The following CSMD1 variants were observed in gnomAD, a reference collection of about 807,000 sequenced individuals.
The protein encoded by CSMD1 is CUB and Sushi multiple domains 1.
Under a neutral mutation model 417.5 loss-of-function variants are expected in CSMD1, and 213 were observed. That is an observed-to-expected ratio of 0.51 (90% CI 0.46 to 0.57). The LOEUF (loss-of-function observed/expected upper bound fraction) is 0.57, where lower values mean the gene tolerates loss of function less well. Ranked by LOEUF, CSMD1 falls within the 20% of genes least tolerant of loss-of-function variation. CSMD1 has a pLI of 0.00. For synonymous variants in CSMD1, 2,862 were observed against 1,736.8 expected (o/e 1.65, Z -16.11); for missense variants, 6,923 against 4,529.7 (o/e 1.53, Z -15.17).
At chr8:4,600,464 C>T (rs1462988563) in intron 2 of CSMD1, among the ~76,000 whole-genome samples, 3 of 152,184 alleles carry the variant, frequency 2.0e-5, no homozygotes, top group African/African-American at 4.8e-5. Context: ...AATGCCTTTT[C>T]TTGAAGTCTG....
At chr8:4,878,851 C>G (rs965056301) in intron 1 of CSMD1, among the ~76,000 whole-genome samples, 1 of 151,324 alleles carries the variant, frequency 6.6e-6, no homozygotes, top group South Asian at 2.1e-4. Flanking sequence ...GTCACCGAGA[C>G]TTGCAGGATA....
intron 25 of CSMD1, among the ~76,000 whole-genome samples, chr8:3,303,244 G>A (rs1031912706): frequency 8.6e-5 from 13 of 150,948 alleles, no homozygotes; most frequent in African/African-American, 2.9e-4. Flanking sequence ...GGAGACTGGG[G>A]ATAAATGTAT....
chr8:4,155,666 G>T (rs542617014), intron 3 of CSMD1, among the ~76,000 whole-genome samples: 1 of 152,068 alleles, frequency 6.6e-6, no homozygotes, highest in Admixed American at 6.6e-5. Flanking sequence ...TCAAAGAAAC[G>T]TGACAGATTT....
At chr8:3,280,395 G>A (rs7826610) in intron 26 of CSMD1, among the ~76,000 whole-genome samples, 121,559 of 152,152 alleles carry the variant, frequency 0.8, 48,748 homozygotes, top group Admixed American at 0.87. Flanking sequence ...TTCCAGAGTT[G>A]TAGTCTAGAC....
intron 25 of CSMD1, among the ~76,000 whole-genome samples, chr8:3,293,766 G>A (rs1057113271): frequency 1.3e-5 from 2 of 152,176 alleles, no homozygotes; most frequent in East Asian, 1.9e-4. Context: ...CTTTGCCATG[G>A]GTTCAAACTT....
At chr8:3,016,245 C>T (rs987804585) in intron 52 of CSMD1, among the ~76,000 whole-genome samples, 2 of 152,194 alleles carry the variant, frequency 1.3e-5, no homozygotes, top group Non-Finnish European at 2.9e-5. Flanking sequence ...CCATTTGCTA[C>T]TCTACTAAAT....
chr8:4,450,020 G>T (rs745536286), intron 2 of CSMD1, among the ~76,000 whole-genome samples: 2 of 152,076 alleles, frequency 1.3e-5, no homozygotes, highest in Non-Finnish European at 2.9e-5. Context: ...CTATGGCCTG[G>T]GTGTCCTGTC....
intron 5 of CSMD1, among the ~76,000 whole-genome samples, chr8:3,920,476 T>C (rs1809164537): frequency 6.6e-6 from 1 of 152,142 alleles, no homozygotes; most frequent in African/African-American, 2.4e-5. Flanking sequence ...TTTATTCTTT[T>C]ACTTTCCTAA....
At chr8:4,157,972 T>C (rs1489009284) in intron 3 of CSMD1, among the ~76,000 whole-genome samples, 2 of 152,196 alleles carry the variant, frequency 1.3e-5, no homozygotes, top group Non-Finnish European at 2.9e-5. Flanking sequence ...TATGCCGAGA[T>C]TGGCCAACTG....
At chr8:3,276,537 A>G (rs1453012905) in intron 26 of CSMD1, among the ~76,000 whole-genome samples, 1 of 152,196 alleles carries the variant, frequency 6.6e-6, no homozygotes, top group Non-Finnish European at 1.5e-5. Context: ...GAACAGCAGA[A>G]GAAAGACCTG....
At chr8:4,652,985 C>A (rs1293258441) in intron 1 of CSMD1, among the ~76,000 whole-genome samples, 1 of 151,764 alleles carries the variant, frequency 6.6e-6, no homozygotes, top group Non-Finnish European at 1.5e-5. Flanking sequence ...CTTGCTCACC[C>A]ACTGCTCATC....
At chr8:3,416,066 C>G (rs904081382) in intron 12 of CSMD1, among the ~76,000 whole-genome samples, 1 of 151,994 alleles carries the variant, frequency 6.6e-6, no homozygotes, top group Non-Finnish European at 1.5e-5. Context: ...CTTTGGGAGG[C>G]GGAGACAGGT....
chr8:4,775,688 C>G (rs961581655), intron 1 of CSMD1, among the ~76,000 whole-genome samples: 2 of 152,136 alleles, frequency 1.3e-5, no homozygotes, highest in Non-Finnish European at 2.9e-5. Flanking sequence ...GACTGCTGGA[C>G]CAAGGCAGCG....
At chr8:3,592,979 C>A (rs1420957522) in intron 8 of CSMD1, among the ~76,000 whole-genome samples, 2 of 152,318 alleles carry the variant, frequency 1.3e-5, no homozygotes, top group South Asian at 2.1e-4. Flanking sequence ...CCCGCAGGCA[C>A]CCCATCCCAA....
At chr8:3,824,278 C>G (rs1801919017) in intron 5 of CSMD1, among the ~76,000 whole-genome samples, 1 of 151,934 alleles carries the variant, frequency 6.6e-6, no homozygotes, top group African/African-American at 2.4e-5. Context: ...CTGACTCTTT[C>G]ACTTAATTCG....
intron 8 of CSMD1, among the ~76,000 whole-genome samples, chr8:3,592,118 A>C (rs888533806): frequency 6.6e-6 from 1 of 152,162 alleles, no homozygotes; most frequent in African/African-American, 2.4e-5. Context: ...ATAGATACAT[A>C]GATGGATAGA....
intron 2 of CSMD1, among the ~76,000 whole-genome samples, chr8:4,615,061 T>G (rs1801397220): frequency 6.6e-6 from 1 of 152,108 alleles, no homozygotes; most frequent in Non-Finnish European, 1.5e-5. Flanking sequence ...GGCTTCCTAT[T>G]TGTCTCAGAT....
At chr8:3,742,583 C>T (rs112488984) in intron 6 of CSMD1, among the ~76,000 whole-genome samples, 23 of 152,236 alleles carry the variant, frequency 1.5e-4, no homozygotes, top group Admixed American at 3.9e-4. Context: ...GCCTCTGCCC[C>T]GGGCCAGTAG....
Position 3,524,640 on chromosome 8 carries a change from CAT to C in CSMD1, c.1345-30916_1345-30915del, listed in dbSNP as rs571139159. Among the ~76,000 whole-genome samples, 262 of 151,278 alleles carry C rather than the reference CAT, an allele frequency of 1.7e-3. 4 individuals are homozygous for C. Among genetic ancestry groups the C allele is most frequent in the African/African-American group, 4.6e-3 (189 of 41,100 alleles). ...ATACACACATGCACACCCAGAGAGA[CAT>C]GTGCACACACACAGACCCATGCAAA... On this transcript the variant is annotated intron_variant, in intron 10 of 69. Coordinates refer to ENST00000635120, the MANE Select transcript of CSMD1 (RefSeq NM_033225.6).
Sources: allele counts gnomAD v4.1 joint callset (sites outside exome capture counted in the v4.1 genomes callset), GRCh38; gene constraint gnomAD v4.1.1; transcripts MANE v1.5; gene names NCBI Gene and HGNC (gene_info 2026-07-23, HGNC 2026-07-21).